Variants in NPFFR2 observed in about 807,000 individuals in gnomAD.
NPFFR2 encodes neuropeptide FF receptor 2.
In NPFFR2, 15 loss-of-function variants were observed where a neutral mutation model predicts 13.1. The ratio of observed to expected loss-of-function variants is 1.15; its 90% CI spans 0.77 to 1.76. NPFFR2 has a LOEUF of 1.76. Ranked by LOEUF, NPFFR2 falls within the 40% of genes most tolerant of loss-of-function variation. NPFFR2 has a pLI of 0.00. For synonymous variants in NPFFR2, 190 were observed against 175.7 expected (o/e 1.08, Z -0.65); for missense variants, 572 against 503.5 (o/e 1.14, Z -1.30).
intron 1 of NPFFR2, among the ~76,000 whole-genome samples, chr4:72,124,778 C>T (rs74612629): frequency 2.2e-4 from 33 of 151,998 alleles, no homozygotes; most frequent in African/African-American, 6.5e-4. Flanking sequence ...TTAACCAAGA[C>T]GGATTAAAGA....
intron 2 of NPFFR2, among the ~76,000 whole-genome samples, chr4:72,135,210 C>G (rs1331156085): frequency 6.6e-6 from 1 of 152,104 alleles, no homozygotes; most frequent in Non-Finnish European, 1.5e-5. Context: ...CCCTTTATCC[C>G]TAATGTTCTC....
At chr4:72,066,713 A>G (rs72651473) in intron 1 of NPFFR2, among the ~76,000 whole-genome samples, 1,821 of 152,266 alleles carry the variant, frequency 0.012, 16 homozygotes, top group Middle Eastern at 0.027. Flanking sequence ...AGGGCAAACA[A>G]CACTCTATCT....
intron 1 of NPFFR2, among the ~76,000 whole-genome samples, chr4:72,042,801 A>T (rs910244342): frequency 6.6e-6 from 1 of 152,250 alleles, no homozygotes; most frequent in African/African-American, 2.4e-5. Flanking sequence ...AGTTTAAAAA[A>T]TGTGCAGGCT....
chr4:72,065,849 G>A lies in NPFFR2; in HGVS notation c.-8+33649G>A, dbSNP rs1446109628. On this transcript the variant is annotated intron_variant, in intron 1 of 3. Coordinates refer to ENST00000308744, the MANE Select transcript of NPFFR2 (RefSeq NM_004885.3). ...AGATCTTCAGAAGGCTCATCCTTGCGATGCCCTTAGGACTTTGCTTAAGTG... is the reference window on the plus strand; with the variant it reads ...AGATCTTCAGAAGGCTCATCCTTGCAATGCCCTTAGGACTTTGCTTAAGTG... Among the ~76,000 whole-genome samples the A allele has an allele frequency of 5.9e-5, 9 of 152,072 alleles. No homozygotes were observed. In the East Asian group the frequency reaches 1.5e-3, roughly 26 times the overall value.
chr4:72,127,527 C>A (rs1416640486), intron 1 of NPFFR2, among the ~76,000 whole-genome samples: 1 of 143,358 alleles, frequency 7.0e-6, no homozygotes, highest in Non-Finnish European at 1.5e-5. Context: ...CCACGCCCGG[C>A]TAATTTTTTG....
chr4:72,086,267 T>G (rs560915647), intron 1 of NPFFR2, among the ~76,000 whole-genome samples: 1 of 152,218 alleles, frequency 6.6e-6, no homozygotes, highest in East Asian at 1.9e-4. Context: ...GTTTAGATCC[T>G]TGTTGTTTTG....
intron 1 of NPFFR2, among the ~76,000 whole-genome samples, chr4:72,117,085 T>C (rs1469194079): frequency 3.3e-5 from 5 of 152,152 alleles, no homozygotes; most frequent in Non-Finnish European, 7.4e-5. Flanking sequence ...CCCACCCTTT[T>C]CTTTTTCCTT....
chr4:72,127,067 C>G (rs1403140091), intron 1 of NPFFR2, among the ~76,000 whole-genome samples: 3 of 151,798 alleles, frequency 2.0e-5, no homozygotes, highest in Non-Finnish European at 4.4e-5. Flanking sequence ...CTTTGGGAGG[C>G]TGAGGCAGGC....
intron 1 of NPFFR2, among the ~76,000 whole-genome samples, chr4:72,069,595 G>A (rs189642739): frequency 2.8e-4 from 43 of 152,142 alleles, no homozygotes; most frequent in African/African-American, 9.1e-4. Flanking sequence ...GTTTTAAAAC[G>A]TTTGCGATAA....
intron 1 of NPFFR2, among the ~76,000 whole-genome samples, chr4:72,055,519 C>A (rs1719720116): frequency 6.6e-6 from 1 of 151,882 alleles, no homozygotes; most frequent in Non-Finnish European, 1.5e-5. Context: ...AAAACGATAT[C>A]AAAATTAGGC....
intron 1 of NPFFR2, among the ~76,000 whole-genome samples, chr4:72,055,027 A>AC (rs1719701133): frequency 6.6e-6 from 1 of 152,062 alleles, no homozygotes; most frequent in East Asian, 1.9e-4. Flanking sequence ...ACATATACAC[A>AC]CAGTATAAAA....
intron 1 of NPFFR2, among the ~76,000 whole-genome samples, chr4:72,106,088 G>T (rs1192983368): frequency 6.6e-6 from 1 of 152,030 alleles, no homozygotes. Context: ...GTAAGATGGA[G>T]GGGTCAGTGT....
At chr4:72,061,470 A>C (rs1321931678) in intron 1 of NPFFR2, among the ~76,000 whole-genome samples, 1 of 152,190 alleles carries the variant, frequency 6.6e-6, no homozygotes, top group Non-Finnish European at 1.5e-5. Flanking sequence ...GTTCAGAGCC[A>C]GGTTCCTCCA....
At chr4:72,135,250 C>T (rs1437439866) in intron 2 of NPFFR2, among the ~76,000 whole-genome samples, 2 of 152,020 alleles carry the variant, frequency 1.3e-5, no homozygotes, top group African/African-American at 4.8e-5. Context: ...TTGAAGTAAG[C>T]CTTTTTATTT....
At chr4:72,058,827 A>T (rs1435413646) in intron 1 of NPFFR2, among the ~76,000 whole-genome samples, 1 of 151,982 alleles carries the variant, frequency 6.6e-6, no homozygotes, top group Non-Finnish European at 1.5e-5. Context: ...AAGGCCCAAG[A>T]GGCACAGCAG....
chr4:72,069,501 A>T (rs1357984997), intron 1 of NPFFR2, among the ~76,000 whole-genome samples: 2 of 152,168 alleles, frequency 1.3e-5, no homozygotes, highest in African/African-American at 2.4e-5. Context: ...GTGAACTTTT[A>T]AAGCCATTTT....
chr4:72,123,692 G>A (rs1008198840), intron 1 of NPFFR2, among the ~76,000 whole-genome samples: 1 of 152,068 alleles, frequency 6.6e-6, no homozygotes, highest in African/African-American at 2.4e-5. Context: ...ATGCAGAAAA[G>A]GCCTTTGACA....
intron 3 of NPFFR2, among the ~76,000 whole-genome samples, chr4:72,142,542 G>C (rs1216005364): frequency 6.6e-6 from 1 of 152,068 alleles, no homozygotes. Flanking sequence ...GACCACAGCT[G>C]TTCCTATCCG....
intron 1 of NPFFR2, among the ~76,000 whole-genome samples, chr4:72,108,113 C>G (rs1205936820): frequency 2.6e-5 from 4 of 151,862 alleles, no homozygotes; most frequent in African/African-American, 9.7e-5. Flanking sequence ...AGTGATGAGG[C>G]CTCCAAGGAG....
Sources: gnomAD v4.1 joint callset for allele counts (sites outside exome capture counted in the v4.1 genomes callset) on GRCh38, gnomAD v4.1.1 for gene constraint, MANE v1.5 for transcripts, NCBI Gene and HGNC (gene_info 2026-07-23, HGNC 2026-07-21) for gene names.